The following SORCS1 variants were observed in gnomAD, a reference collection of about 807,000 sequenced individuals.
SORCS1 encodes sortilin related VPS10 domain containing receptor 1, also known as VPS10 domain-containing receptor SorCS1.
Under a neutral mutation model 146.1 loss-of-function variants are expected in SORCS1, and 60 were observed. That is an observed-to-expected ratio of 0.41 (90% CI 0.33 to 0.51). The LOEUF (loss-of-function observed/expected upper bound fraction) is 0.51, where lower values mean the gene tolerates loss of function less well. Ranked by LOEUF, SORCS1 falls within the 20% of genes least tolerant of loss-of-function variation. The pLI, the probability that SORCS1 is intolerant of heterozygous loss-of-function variation, is 0.21. For missense variants in SORCS1, 1,352 were observed against 1,487.6 expected (o/e 0.91, Z 1.50); for synonymous variants, 637 against 584.0 (o/e 1.09, Z -1.31).
chr10:106,576,867 AG>A lies in SORCS1; in HGVS notation c.*552del, dbSNP rs1451589853. The A allele has an allele frequency of 5.5e-6, 1 of 181,308 alleles. No homozygotes were observed. Among genetic ancestry groups the A allele is most frequent in the African/African-American group, 2.4e-5 (1 of 41,716 alleles). 11.2% of individuals were successfully genotyped at this position (181,308 alleles called of 1,614,324 possible). A position where few individuals can be genotyped will look rare whatever the true frequency, so the allele number is the denominator to read the frequency against. On this transcript the variant is annotated 3_prime_UTR_variant, in exon 26 of 26. Coordinates refer to ENST00000263054, the MANE Select transcript of SORCS1 (RefSeq NM_052918.5). ...ACCCATCAGCCTTTAATGCTAAAAT[AG>A]CTGATAAATCTAGAGCCAAGAATAT...
At chr10:107,104,035 A>C (rs2134402300) in intron 1 of SORCS1, among the ~76,000 whole-genome samples, 1 of 152,368 alleles carries the variant, frequency 6.6e-6, no homozygotes, top group South Asian at 2.1e-4. Flanking sequence ...CAAATGATAG[A>C]AACCCAACTG....
intron 1 of SORCS1, among the ~76,000 whole-genome samples, chr10:107,016,631 T>C (rs1957910044): frequency 6.6e-6 from 1 of 152,248 alleles, no homozygotes; most frequent in African/African-American, 2.4e-5. Flanking sequence ...AGGATTTCTT[T>C]AATAGGACAC....
intron 2 of SORCS1, among the ~76,000 whole-genome samples, chr10:106,893,735 A>G (rs1951330926): frequency 6.6e-6 from 1 of 152,210 alleles, no homozygotes; most frequent in African/African-American, 2.4e-5. Flanking sequence ...AAGTGGAAAA[A>G]AATAGGAGAA....
intron 10 of SORCS1, among the ~76,000 whole-genome samples, chr10:106,687,476 C>T (rs922213837): frequency 6.6e-6 from 1 of 152,092 alleles, no homozygotes; most frequent in African/African-American, 2.4e-5. Context: ...ATACCTTGGC[C>T]TTTGTTCACC....
At chr10:106,685,256 G>A (rs558668803) in intron 10 of SORCS1, among the ~76,000 whole-genome samples, 15 of 152,210 alleles carry the variant, frequency 9.9e-5, no homozygotes, top group East Asian at 9.7e-4. Context: ...CACTCCCAAC[G>A]TGGCACCCCT....
chr10:107,174,233 T>G, the SORCS1 span, among the ~76,000 whole-genome samples: 1 of 152,150 alleles, frequency 6.6e-6, no homozygotes, highest in Non-Finnish European at 1.5e-5. Context: ...TGAGATGGAG[T>G]CTTGCTCTGT....
intron 1 of SORCS1, among the ~76,000 whole-genome samples, chr10:107,109,203 G>A (rs1224765442): frequency 6.6e-6 from 1 of 152,188 alleles, no homozygotes; most frequent in African/African-American, 2.4e-5. Flanking sequence ...ACTAGGCAGT[G>A]CCACAGTGAG....
chr10:106,666,408 G>A (rs546820291), intron 17 of SORCS1, among the ~76,000 whole-genome samples: 1 of 152,128 alleles, frequency 6.6e-6, no homozygotes, highest in African/African-American at 2.4e-5. Flanking sequence ...CTACAACATT[G>A]GTTCTATGGT....
chr10:106,974,397 A>G (rs2139257151), intron 1 of SORCS1, among the ~76,000 whole-genome samples: 1 of 152,338 alleles, frequency 6.6e-6, no homozygotes, highest in East Asian at 1.9e-4. Context: ...AGCATGTTCA[A>G]TACAGAAGGC....
In SORCS1 at chr10:106,573,679, GTAATT is replaced by G. The variant is rs1844465328; in HGVS notation, c.*3736_*3740del. ...AGTTTGGACTAATTTTTAAATCAAA[GTAATT>G]TAATAAACAGACATTGTATAGTTAA... On this transcript the variant is annotated 3_prime_UTR_variant, in exon 26 of 26. Coordinates refer to ENST00000263054, the MANE Select transcript of SORCS1 (RefSeq NM_052918.5). 1 of 152,150 alleles carries G rather than the reference GTAATT, an allele frequency of 6.6e-6. No homozygotes were observed. The highest frequency in any genetic ancestry group is 2.4e-5 in the African/African-American group (1 of 41,448). The allele number at this position is 152,150 out of a possible 1,614,324, so 9.4% of individuals were successfully genotyped here.
chr10:106,934,815 A>G (rs1953625994), intron 2 of SORCS1, among the ~76,000 whole-genome samples: 1 of 152,220 alleles, frequency 6.6e-6, no homozygotes, highest in Non-Finnish European at 1.5e-5. Flanking sequence ...TCGGGAATGG[A>G]AAACCAATTA....
At chr10:106,880,413 C>A (rs1207192549) in intron 2 of SORCS1, among the ~76,000 whole-genome samples, 1 of 152,010 alleles carries the variant, frequency 6.6e-6, no homozygotes, top group Non-Finnish European at 1.5e-5. Flanking sequence ...TTGAAGAGTT[C>A]CTAAATATGT....
chr10:107,075,847 ATC>A (rs1962833456), intron 1 of SORCS1, among the ~76,000 whole-genome samples: 1 of 151,942 alleles, frequency 6.6e-6, no homozygotes, highest in Non-Finnish European at 1.5e-5. Flanking sequence ...CTGCTCTTTA[ATC>A]TCTCTACACT....
intron 24 of SORCS1, among the ~76,000 whole-genome samples, chr10:106,589,846 A>G (rs181410680): frequency 7.8e-4 from 119 of 151,676 alleles, no homozygotes; most frequent in Non-Finnish European, 1.4e-3. Context: ...TTTTGCCCAA[A>G]CCTATTATTA....
chr10:106,694,157 C>A (rs1340712101), intron 9 of SORCS1, among the ~76,000 whole-genome samples: 1 of 152,188 alleles, frequency 6.6e-6, no homozygotes, highest in Non-Finnish European at 1.5e-5. Flanking sequence ...CCAAGAAAAA[C>A]CTAAATGTTC....
At chr10:106,643,096 G>C (rs1181290269) in intron 18 of SORCS1, among the ~76,000 whole-genome samples, 1 of 152,184 alleles carries the variant, frequency 6.6e-6, no homozygotes, top group Non-Finnish European at 1.5e-5. Flanking sequence ...AGAAAGACAA[G>C]ATACCATAGA....
At chr10:106,955,401 C>T (rs1430253370) in intron 2 of SORCS1, among the ~76,000 whole-genome samples, 1 of 152,236 alleles carries the variant, frequency 6.6e-6, no homozygotes, top group Non-Finnish European at 1.5e-5. Context: ...CCTGGCTTGC[C>T]CTTGGCAGGC....
chr10:106,656,514 C>T (rs1450478020), intron 17 of SORCS1, among the ~76,000 whole-genome samples: 6 of 151,904 alleles, frequency 3.9e-5, no homozygotes, highest in Non-Finnish European at 8.8e-5. Context: ...TGAGATTGCA[C>T]CACTGCACTC....
chr10:106,667,654 G>A (rs776743431), intron 17 of SORCS1, 35 bp downstream of exon 17: 4 of 1,463,846 alleles, frequency 2.7e-6, no homozygotes, highest in Non-Finnish European at 3.8e-6. Flanking sequence ...GGCAGCAAAG[G>A]TTGGCCTCTC....
Sources: allele counts gnomAD v4.1 joint callset (sites outside exome capture counted in the v4.1 genomes callset), GRCh38; gene constraint gnomAD v4.1.1; transcripts MANE v1.5; gene names NCBI Gene and HGNC (gene_info 2026-07-23, HGNC 2026-07-21).